Variants in TSPAN15 observed in about 807,000 individuals in gnomAD.
The protein encoded by TSPAN15 is tetraspanin-15.
In TSPAN15, 20 loss-of-function variants were observed where a neutral mutation model predicts 34.5. The ratio of observed to expected loss-of-function variants is 0.58; its 90% CI spans 0.41 to 0.84. The LOEUF (loss-of-function observed/expected upper bound fraction) is 0.84. Among genes scored for constraint, TSPAN15 ranks in the 40% least tolerant of loss-of-function variants. The pLI is 0.00. For synonymous variants in TSPAN15, 155 were observed against 153.9 expected, an observed-to-expected ratio of 1.01 and a Z score of -0.05; for missense variants, 313 against 386.1, an observed-to-expected ratio of 0.81 and a Z score of 1.59.
chr10:69,478,801 T>A (rs1405003692), intron 1 of TSPAN15, among the ~76,000 whole-genome samples: 1 of 152,236 alleles, frequency 6.6e-6, no homozygotes, highest in African/African-American at 2.4e-5. Flanking sequence ...GCGCATTCAA[T>A]CACAAGATCT....
chr10:69,462,785 C>T (rs1315762283), intron 1 of TSPAN15, among the ~76,000 whole-genome samples: 2 of 152,338 alleles, frequency 1.3e-5, no homozygotes, highest in East Asian at 3.9e-4. Flanking sequence ...TAATGTGAAA[C>T]CTTCTTCTGA....
intron 1 of TSPAN15, among the ~76,000 whole-genome samples, chr10:69,467,637 AACACACACAC>A (rs36028041): frequency 4.0e-4 from 31 of 78,212 alleles, no homozygotes; most frequent in East Asian, 3.1e-3. Flanking sequence ...AAAACAAAAC[AACACACACAC>A]ACACACACAC....
At chr10:69,523,963 T>C in the TSPAN15 span, among the ~76,000 whole-genome samples, 5 of 148,056 alleles carry the variant, frequency 3.4e-5, no homozygotes, top group African/African-American at 1.2e-4. Context: ...ATTCACTCTG[T>C]ATTCAACAAA....
intron 1 of TSPAN15, among the ~76,000 whole-genome samples, chr10:69,482,412 T>C (rs1405199249): frequency 6.6e-6 from 1 of 152,180 alleles, no homozygotes; most frequent in East Asian, 1.9e-4. Context: ...GCATGTCCAC[T>C]ATTAGAAAAG....
At chr10:69,528,388 C>T in the TSPAN15 span, among the ~76,000 whole-genome samples, 1 of 148,580 alleles carries the variant, frequency 6.7e-6, no homozygotes, top group Non-Finnish European at 1.5e-5. Flanking sequence ...CTCTTCTCTC[C>T]TCTTCGCCCA....
intron 1 of TSPAN15, among the ~76,000 whole-genome samples, chr10:69,481,416 GGT>G (rs1841732769): frequency 6.6e-5 from 10 of 152,202 alleles, no homozygotes; most frequent in Admixed American, 6.5e-4. Flanking sequence ...ATGGTTTCCT[GGT>G]AATCCTCTGT....
intron 1 of TSPAN15, among the ~76,000 whole-genome samples, chr10:69,481,775 C>T (rs527579520): frequency 7.6e-4 from 116 of 152,320 alleles, no homozygotes; most frequent in Non-Finnish European, 1.4e-3. Flanking sequence ...CACTTACTCT[C>T]CCATGTTGCC....
the TSPAN15 span, among the ~76,000 whole-genome samples, chr10:69,545,507 C>T: frequency 1.3e-5 from 2 of 152,184 alleles, no homozygotes; most frequent in African/African-American, 4.8e-5. Flanking sequence ...ATGATCTGCA[C>T]AGTCGGAGGC....
chr10:69,525,266 A>G, the TSPAN15 span, among the ~76,000 whole-genome samples: 1 of 148,020 alleles, frequency 6.8e-6, no homozygotes, highest in African/African-American at 2.5e-5. Flanking sequence ...AAAATTATCA[A>G]CAAAAGGAGA....
chr10:69,493,122 G>A (rs981719412), intron 3 of TSPAN15, among the ~76,000 whole-genome samples: 10 of 152,220 alleles, frequency 6.6e-5, no homozygotes, highest in African/African-American at 2.4e-4. Context: ...CAGCCAGCTG[G>A]CCTGTCCCTT....
intron 1 of TSPAN15, among the ~76,000 whole-genome samples, chr10:69,469,607 A>T (rs1418015005): frequency 6.6e-6 from 1 of 152,158 alleles, no homozygotes; most frequent in Non-Finnish European, 1.5e-5. Flanking sequence ...CCTCCCACGT[A>T]TTAGGTTGGT....
At chr10:69,480,609 C>G (rs1841713137) in intron 1 of TSPAN15, among the ~76,000 whole-genome samples, 1 of 152,150 alleles carries the variant, frequency 6.6e-6, no homozygotes, top group Admixed American at 6.5e-5. Context: ...AGCCTCAGGG[C>G]TCTTTTATTT....
chr10:69,537,118 T>A, the TSPAN15 span, among the ~76,000 whole-genome samples: 86 of 152,140 alleles, frequency 5.7e-4, 1 homozygote, highest in African/African-American at 1.9e-3. Context: ...TTCAACATAT[T>A]AATTTGTTGG....
chr10:69,472,165 T>G (rs2133089521), intron 1 of TSPAN15, among the ~76,000 whole-genome samples: 1 of 152,288 alleles, frequency 6.6e-6, no homozygotes, highest in South Asian at 2.1e-4. Context: ...CTCTTGCTTC[T>G]GTGAACCTCC....
intron 1 of TSPAN15, among the ~76,000 whole-genome samples, chr10:69,467,797 C>T (rs1037070305): frequency 1.3e-5 from 2 of 152,154 alleles, no homozygotes; most frequent in African/African-American, 4.8e-5. Context: ...AAAAACATAT[C>T]TAATTGTCCC....
chr10:69,520,993 CTTTTTTT>C, the TSPAN15 span, among the ~76,000 whole-genome samples: 2 of 148,250 alleles, frequency 1.3e-5, no homozygotes, highest in African/African-American at 2.5e-5. Flanking sequence ...TGTTATTTTC[CTTTTTTT>C]TTTTTTTTTG....
chr10:69,451,674 A>G lies in TSPAN15; in HGVS notation c.80A>G (p.Tyr27Cys), dbSNP rs1456827675. ...YLWLKFSLII[Y>C]STVFWLIGAL... ...TGGCTCAAGTTTTCACTTATCATCT[A>G]TTCCACCGTGTTCTGGGTGAGTGAC... Residue 27 changes from tyrosine (Y) to cysteine (C), a missense_variant, in exon 1 of 8, where the codon TAT becomes TGT. Physicochemically the swap from Tyr to Cys is radical, Grantham distance 194. Transcript: ENST00000373290. 1 of 1,536,522 alleles carries G rather than the reference A, an allele frequency of 6.5e-7. No individual in the cohort carries two copies. The highest frequency in any genetic ancestry group is 8.8e-7 in the Non-Finnish European group (1 of 1,139,452).
chr10:69,472,761 C>T (rs771492672), intron 1 of TSPAN15, among the ~76,000 whole-genome samples: 9 of 152,172 alleles, frequency 5.9e-5, no homozygotes, highest in African/African-American at 1.2e-4. Context: ...GGAGCTTTTG[C>T]GTGGCATCTG....
intron 1 of TSPAN15, among the ~76,000 whole-genome samples, chr10:69,478,330 C>T (rs1841659445): frequency 6.6e-6 from 1 of 152,178 alleles, no homozygotes; most frequent in South Asian, 2.1e-4. Context: ...TCTCTCAAGC[C>T]TTGGAGTTTA....
Sources: allele counts gnomAD v4.1 joint callset (sites outside exome capture counted in the v4.1 genomes callset), GRCh38; gene constraint gnomAD v4.1.1; transcripts MANE v1.5; gene names NCBI Gene and HGNC (gene_info 2026-07-23, HGNC 2026-07-21).